The following ANK3 variants were observed in gnomAD, a reference collection of about 807,000 sequenced individuals.
ANK3 encodes the protein ankyrin 3.
Under a neutral mutation model 370.9 loss-of-function variants are expected in ANK3, and 57 were observed. The ratio of observed to expected loss-of-function variants is 0.15; its 90% CI spans 0.12 to 0.19. ANK3 has a LOEUF of 0.19. ANK3 is among the 10% of genes least tolerant of loss of function. The pLI is 1.00. For synonymous variants in ANK3, 1,929 were observed against 1,946.3 expected (o/e 0.99, Z 0.23); for missense variants, 4,439 against 5,302.1 (o/e 0.84, Z 5.06).
intron 2 of ANK3, among the ~76,000 whole-genome samples, chr10:60,542,208 T>TA (rs997984830): frequency 1.3e-5 from 2 of 151,768 alleles, no homozygotes; most frequent in Admixed American, 6.6e-5. Flanking sequence ...CCAAAAAATA[T>TA]AAAAAAATTA....
rs980681315 is a variant in ANK3, at chr10:60,671,528, T to G, written c.58-56304A>C. Among the ~76,000 whole-genome samples the G allele has an allele frequency of 2.0e-5, 3 of 152,334 alleles. No homozygotes were observed. In the East Asian group the frequency reaches 5.8e-4, roughly 29 times the overall value. On this transcript the variant is annotated intron_variant, in intron 1 of 43. Coordinates refer to the ANK3 transcript ENST00000373827. ...AGCACTTTTTGCCTTTGTAAATCTT[T>G]TTTGTTATTGAACTTATAAGGGTGT...
At chr10:60,053,757 G>C in intron 42 of ANK3, 1 of 1,302,942 alleles carries the variant, frequency 7.7e-7, no homozygotes, top group Non-Finnish European at 1.0e-6. Context: ...AAAGGGGGCT[G>C]TTTTCTGAGA....
At chr10:60,703,783 C>A (rs1202171091) in intron 1 of ANK3, among the ~76,000 whole-genome samples, 1 of 152,136 alleles carries the variant, frequency 6.6e-6, no homozygotes, top group Admixed American at 6.5e-5. Flanking sequence ...CTGCCCTCCC[C>A]AAAGGTAACC....
chr10:60,659,366 C>G (rs983226170), intron 1 of ANK3, among the ~76,000 whole-genome samples: 1 of 152,090 alleles, frequency 6.6e-6, no homozygotes, highest in Admixed American at 6.6e-5. Context: ...TCCATTTGCT[C>G]TTTTCCAGTT....
At chr10:60,460,319 A>G (rs1046698438) in intron 2 of ANK3, among the ~76,000 whole-genome samples, 1 of 152,200 alleles carries the variant, frequency 6.6e-6, no homozygotes, top group African/African-American at 2.4e-5. Context: ...GAAAGGCAGT[A>G]TTTAGGAAAG....
intron 2 of ANK3, among the ~76,000 whole-genome samples, chr10:60,517,661 T>C (rs998134592): frequency 1.3e-5 from 2 of 152,146 alleles, no homozygotes; most frequent in Non-Finnish European, 2.9e-5. Context: ...CTCTCAGGAT[T>C]GTTGTGGGGA....
At chr10:60,732,754 A>T (rs1343102556) in intron 1 of ANK3, among the ~76,000 whole-genome samples, 1 of 152,042 alleles carries the variant, frequency 6.6e-6, no homozygotes, top group Non-Finnish European at 1.5e-5. Context: ...GTCTGAAGGT[A>T]ACTTTCAGAG....
intron 1 of ANK3, among the ~76,000 whole-genome samples, chr10:60,677,795 A>AAAAAG (rs1257847477): frequency 1.3e-3 from 195 of 151,500 alleles, no homozygotes; most frequent in Non-Finnish European, 2.1e-3. Flanking sequence ...AAAAAAAAAA[A>AAAAAG]AAAAGAAAAG....
rs1274365180 is a variant in ANK3, at chr10:60,068,705, G to C, written c.12176C>G (p.Thr4059Arg). The change falls in exon 37 of 44, where the codon ACA becomes AGA. Residue 4059 changes from threonine to arginine, a missense_variant. By Grantham distance (71) the Thr-to-Arg change is moderately conservative (BLOSUM62 -1). This residue lies in a region of ANK3 where 99 missense variants were observed against 150.7 expected (regional missense o/e 0.66). Transcript: ENST00000280772. ...VTTKSARDKK[T>R]EAAPLKSKSE... ...CTTTGATTTTAAAGGTGCTGCCTCT[G>C]TTTTCTTATCTCTAGCAGACTTCGT... 6.2e-7 allele frequency: 1 copy of C among 1,614,066 alleles called. No homozygotes were observed. Among genetic ancestry groups the C allele is most frequent in the Non-Finnish European group, 8.5e-7 (1 of 1,179,974 alleles).
chr10:60,060,634 A>T (rs1461231832), intron 40 of ANK3: 1 of 152,222 alleles, frequency 6.6e-6, no homozygotes, highest in African/African-American at 2.4e-5. Flanking sequence ...AAACGATGTT[A>T]AGAAAAGGAT....
At chr10:60,392,366 A>ATGTAC (rs376724232), upstream of ANK3, among the ~76,000 whole-genome samples, 703 of 152,360 alleles carry the variant, frequency 4.6e-3, 6 homozygotes, top group African/African-American at 0.016. Context: ...GGGAGATTAA[A>ATGTAC]AACTGGTATG....
At chr10:60,472,421 T>C (rs1298029500) in intron 2 of ANK3, among the ~76,000 whole-genome samples, 1 of 152,202 alleles carries the variant, frequency 6.6e-6, no homozygotes, top group Non-Finnish European at 1.5e-5. Flanking sequence ...TAATTTACTG[T>C]ATTCATTAGG....
chr10:60,281,711 TAGG>T (rs2098166160), intron 1 of ANK3, among the ~76,000 whole-genome samples: 1 of 152,008 alleles, frequency 6.6e-6, no homozygotes, highest in Non-Finnish European at 1.5e-5. Context: ...TGGAATAATA[TAGG>T]AGGCTTTATT....
At chr10:60,178,885 C>T (rs2132335530) in intron 18 of ANK3, among the ~76,000 whole-genome samples, 1 of 150,810 alleles carries the variant, frequency 6.6e-6, no homozygotes, top group African/African-American at 2.4e-5. Flanking sequence ...CACAATTTAG[C>T]TTAAACTCAT....
At chr10:60,201,708 C>CTTTTTT (rs10544317) in intron 12 of ANK3, among the ~76,000 whole-genome samples, 1 of 120,282 alleles carries the variant, frequency 8.3e-6, no homozygotes, top group Admixed American at 8.2e-5. Context: ...GAAATCACTT[C>CTTTTTT]TTTTTTTTTT....
intron 2 of ANK3, among the ~76,000 whole-genome samples, chr10:60,568,706 C>G (rs1251260366): frequency 6.6e-6 from 1 of 152,150 alleles, no homozygotes; most frequent in Non-Finnish European, 1.5e-5. Flanking sequence ...TCTTTGGATG[C>G]TGCTATGGAC....
intron 27 of ANK3, among the ~76,000 whole-genome samples, 181 bp downstream of exon 27, chr10:60,108,649 G>GTATCAGCC (rs2092427522): frequency 6.6e-6 from 1 of 152,144 alleles, no homozygotes; most frequent in Non-Finnish European, 1.5e-5. Flanking sequence ...AGTTAAGAAA[G>GTATCAGCC]TATCAGCCTA....
Position 60,073,397 on chromosome 10 carries a change from A to G in ANK3, c.7484T>C (p.Leu2495Ser), listed in dbSNP as rs1361443415. ...TCTGGACCGCTTATCAGACCCCTGT[A>G]ACTCTGAGCTAGGGGGTCCTGCATG... is the stretch of plus-strand genomic sequence containing the variant. The part of the protein sequence containing the change: ...TDHAGPPSSE[L>S]QGSDKRSREK... Residue 2495 changes from leucine (L) to serine (S), a missense_variant, in exon 37 of 44, where the codon TTA becomes TCA. Transcript: ENST00000280772. 4 of 1,613,796 alleles carry G rather than the reference A, an allele frequency of 2.5e-6. No individual in the cohort carries two copies.
At chr10:60,044,875 T>C (rs1564585917) in intron 42 of ANK3, 1 of 152,206 alleles carries the variant, frequency 6.6e-6, no homozygotes, top group Non-Finnish European at 1.5e-5. Context: ...ATGAGAAAAG[T>C]TGAGGGTACA....
Sources: allele counts gnomAD v4.1 joint callset (sites outside exome capture counted in the v4.1 genomes callset), GRCh38; gene constraint gnomAD v4.1.1; regional missense constraint gnomAD v4.1.1; transcripts MANE v1.5; gene names NCBI Gene and HGNC (gene_info 2026-07-23, HGNC 2026-07-21).